The following CHM variants were observed in gnomAD, a reference collection of about 807,000 sequenced individuals.
CHM encodes rab proteins geranylgeranyltransferase component A 1.
A neutral mutation model predicts 49.0 loss-of-function variants in CHM; 10 were observed. The observed-to-expected ratio is 0.20, with a 90% CI of 0.13 to 0.35. CHM has a LOEUF of 0.35. CHM is among the 10% of genes least tolerant of loss of function. The probability of loss-of-function intolerance (pLI) is 1.00; values close to 1 mark genes in which losing one functional copy is unlikely to be tolerated. For missense variants in CHM, 455 were observed against 478.4 expected (o/e 0.95, Z 0.46); for synonymous variants, 184 against 167.5 (o/e 1.10, Z -0.76).
intron 1 of CHM, among the ~76,000 whole-genome samples, chrX:86,042,974 G>A (rs1934530847): frequency 8.9e-6 from 1 of 111,787 alleles, no homozygotes; most frequent in African/African-American, 3.3e-5. Flanking sequence ...TTCAACATGA[G>A]ATTTGGGCAG....
intron 1 of CHM, among the ~76,000 whole-genome samples, chrX:86,032,754 T>C (rs1397391933): frequency 8.9e-6 from 1 of 111,932 alleles, no homozygotes; most frequent in African/African-American, 3.2e-5. Context: ...GCAAGTCATT[T>C]TTATTAAACA....
At chrX:86,001,344 T>C (rs2147747046) in intron 2 of CHM, among the ~76,000 whole-genome samples, 1 of 101,950 alleles carries the variant, frequency 9.8e-6, no homozygotes, top group African/African-American at 3.4e-5. Context: ...AATCATGACA[T>C]GTTCATCTGC....
At chrX:85,985,229 G>A (rs950309543) in intron 2 of CHM, among the ~76,000 whole-genome samples, 1 of 112,233 alleles carries the variant, frequency 8.9e-6, no homozygotes, top group Non-Finnish European at 1.9e-5. Context: ...TTGGACTTTG[G>A]AGACTCCAAG....
intron 8 of CHM, among the ~76,000 whole-genome samples, chrX:85,915,134 A>T (rs1167517968): frequency 8.9e-6 from 1 of 112,158 alleles, no homozygotes; most frequent in South Asian, 3.7e-4. Flanking sequence ...AATTCTGGAA[A>T]CCCTGGCATC....
At position 85,901,071 on chromosome X, in the gene CHM, G is replaced by C; in HGVS notation, c.1349+13C>G. 3.6e-6 allele frequency: 4 copies of C among 1,120,347 alleles called. No homozygotes were observed. The highest frequency in any genetic ancestry group is 4.9e-6 in the Non-Finnish European group (4 of 814,566). The allele number at this position is 1,120,347 out of a possible 1,213,427, so 92.3% of individuals were successfully genotyped here. On this transcript the variant is annotated intron_variant, in intron 10 of 14. Transcript: ENST00000357749. The stretch of plus-strand genomic sequence containing the variant: ...AATTACCTTCGCTTGCTAATGGGTG[G>C]AGGGGGCCTTACCTGTATTGCACAC...
chrX:85,976,207 G>A (rs1237988719), intron 4 of CHM, among the ~76,000 whole-genome samples: 2 of 111,563 alleles, frequency 1.8e-5, no homozygotes, highest in Admixed American at 9.5e-5. Flanking sequence ...ATATAGTGAC[G>A]GCCTTGAGGG....
intron 12 of CHM, among the ~76,000 whole-genome samples, chrX:85,893,097 C>T (rs907077755): frequency 9.0e-6 from 1 of 111,371 alleles, no homozygotes; most frequent in Non-Finnish European, 1.9e-5. Flanking sequence ...TCTTTACGTA[C>T]CATGAAATGC....
intron 2 of CHM, among the ~76,000 whole-genome samples, chrX:86,002,662 C>G (rs1286687557): frequency 8.9e-6 from 1 of 111,905 alleles, no homozygotes; most frequent in East Asian, 2.8e-4. Context: ...GGGAGAACTG[C>G]GAGGAGGCAG....
chrX:85,896,164 A>C (rs1275527846), intron 11 of CHM, among the ~76,000 whole-genome samples: 1 of 109,449 alleles, frequency 9.1e-6, no homozygotes, highest in Non-Finnish European at 1.9e-5. Context: ...AAAAAAAAAA[A>C]GAGAGAAGAT....
chrX:86,016,604 G>A (rs2147775383), intron 2 of CHM, among the ~76,000 whole-genome samples: 1 of 112,549 alleles, frequency 8.9e-6, no homozygotes, highest in East Asian at 2.8e-4. Context: ...GTCAAAAATT[G>A]GGGTTTAGGA....
intron 2 of CHM, among the ~76,000 whole-genome samples, chrX:85,995,011 T>C (rs1932373333): frequency 9.0e-6 from 1 of 110,594 alleles, no homozygotes; most frequent in Non-Finnish European, 1.9e-5. Context: ...TGTTTCACAA[T>C]TTCTACATTA....
intron 2 of CHM, among the ~76,000 whole-genome samples, chrX:85,990,534 A>G (rs1020325940): frequency 2.7e-5 from 3 of 111,790 alleles, no homozygotes; most frequent in Admixed American, 9.5e-5. Context: ...AAAGCTTCGC[A>G]TAGCTTATTC....
chrX:85,961,162 C>G (rs758797192), intron 5 of CHM, among the ~76,000 whole-genome samples: 29 of 110,771 alleles, frequency 2.6e-4, no homozygotes, highest in African/African-American at 9.2e-4. Flanking sequence ...TGGCTCACGC[C>G]TGTAATCCCA....
rs1259430656 is a variant in CHM, at chrX:86,026,078, T to C, written c.116+1413A>G. Among the ~76,000 whole-genome samples the C allele has an allele frequency of 5.9e-5, 6 of 100,859 alleles. No individual in the cohort carries two copies. In the East Asian group the frequency reaches 1.3e-3, roughly 22 times the overall value. 87.6% of individuals were successfully genotyped at this position (100,859 alleles called of 115,157 possible). A position where few individuals can be genotyped will look rare whatever the true frequency, so the allele number is the denominator to read the frequency against. On this transcript the variant is annotated intron_variant, in intron 2 of 14. Coordinates refer to ENST00000357749, the MANE Select transcript of CHM (RefSeq NM_000390.4). ...TTTTAAAGTATACTGTCTCAGTACC[T>C]GGGCTTTCAAGGTAGCAGATTTTCT...
intron 9 of CHM, among the ~76,000 whole-genome samples, chrX:85,909,455 T>C (rs892855418): frequency 1.8e-5 from 2 of 111,231 alleles, no homozygotes; most frequent in Admixed American, 9.6e-5. Flanking sequence ...CCCCTAAGCA[T>C]ATTAACCAAT....
chrX:85,953,143 A>C (rs922620042), intron 8 of CHM, among the ~76,000 whole-genome samples: 29 of 112,313 alleles, frequency 2.6e-4, no homozygotes, highest in Non-Finnish European at 4.7e-4. Context: ...AGAATCCAAA[A>C]GAGAAATTTT....
Position 85,952,241 on chromosome X carries a change from A to AG in CHM, c.1166+3911dup, listed in dbSNP as rs747385414. ...TAGGGAGAAACAGCCTGGGCAGCTA[A>AG]GGGAGTGCTTGTGCCACCCCTCCCC... On this transcript the variant is annotated intron_variant, in intron 8 of 14. Transcript: ENST00000357749. 5.2e-4 allele frequency among the ~76,000 whole-genome samples: 58 copies of AG among 110,770 alleles called. No homozygotes were observed. In the Middle Eastern group the frequency reaches 0.014, roughly 27 times the overall value.
intron 12 of CHM, among the ~76,000 whole-genome samples, chrX:85,892,006 C>A (rs981648112): frequency 9.0e-6 from 1 of 111,699 alleles, no homozygotes; most frequent in Non-Finnish European, 1.9e-5. Context: ...TTGACTGCCC[C>A]GCTGGAATTT....
chrX:85,910,179 A>G lies in CHM; in HGVS notation c.1244+1082T>C, dbSNP rs1023044559. 7.2e-5 allele frequency among the ~76,000 whole-genome samples: 8 copies of G among 111,843 alleles called. No individual in the cohort carries two copies. In the East Asian group the frequency reaches 8.4e-4, roughly 12 times the overall value. ...TCCAGAGTTGAGGATTTTCTTCACC[A>G]TAATTCAAAATACTAGTTTTTTCAC... On this transcript the variant is annotated intron_variant, in intron 9 of 14. Transcript: ENST00000357749.
Sources: allele counts gnomAD v4.1 joint callset (sites outside exome capture counted in the v4.1 genomes callset), GRCh38; gene constraint gnomAD v4.1.1; transcripts MANE v1.5; gene names NCBI Gene and HGNC (gene_info 2026-07-23, HGNC 2026-07-21).